The following GRIK1 variants were observed in gnomAD, a reference collection of about 807,000 sequenced individuals.
GRIK1 encodes the protein glutamate receptor ionotropic, kainate 1.
Under a neutral mutation model 105.7 loss-of-function variants are expected in GRIK1, and 69 were observed. That is an observed-to-expected ratio of 0.65 (90% CI 0.54 to 0.80). The LOEUF is 0.80. Among genes scored for constraint, GRIK1 ranks in the 30% least tolerant of loss-of-function variants. The probability of loss-of-function intolerance (pLI) is 0.00; values close to 1 mark genes in which losing one functional copy is unlikely to be tolerated. For synonymous variants in GRIK1, 438 were observed against 431.3 expected (o/e 1.02, Z -0.19); for missense variants, 1,109 against 1,167.3 (o/e 0.95, Z 0.73).
intron 1 of GRIK1, among the ~76,000 whole-genome samples, chr21:29,801,324 C>T (rs908454054): frequency 5.3e-5 from 8 of 151,800 alleles, no homozygotes; most frequent in Admixed American, 4.6e-4. Context: ...ATAAATAGTA[C>T]TTACCTCTTT....
intron 12 of GRIK1, among the ~76,000 whole-genome samples, chr21:29,585,551 A>T (rs1168243664): frequency 6.6e-6 from 1 of 152,134 alleles, no homozygotes; most frequent in East Asian, 1.9e-4. Flanking sequence ...GCCTAGACAG[A>T]GCCTCAGACT....
intron 16 of GRIK1, among the ~76,000 whole-genome samples, chr21:29,549,200 ACAAT>A (rs2090090558): frequency 6.6e-6 from 1 of 152,180 alleles, no homozygotes; most frequent in African/African-American, 2.4e-5. Context: ...TAATCCACAG[ACAAT>A]CTGTTATTAT....
At chr21:29,540,019 A>T (rs957303558) in intron 16 of GRIK1, among the ~76,000 whole-genome samples, 13 of 152,208 alleles carry the variant, frequency 8.5e-5, no homozygotes, top group African/African-American at 3.1e-4. Flanking sequence ...GCTTTACTTG[A>T]ACTCTCAAGC....
At chr21:29,583,358 G>A (rs1006139769) in intron 12 of GRIK1, among the ~76,000 whole-genome samples, 4 of 152,162 alleles carry the variant, frequency 2.6e-5, no homozygotes, top group South Asian at 2.1e-4. Context: ...TAAAGATCCC[G>A]TTACTTAAAC....
chr21:29,761,700 T>G (rs1472125038), intron 1 of GRIK1, among the ~76,000 whole-genome samples: 2 of 150,690 alleles, frequency 1.3e-5, no homozygotes, highest in Non-Finnish European at 3.0e-5. Context: ...CTTTCTTCTC[T>G]TCTTTTCTTT....
intron 14 of GRIK1, among the ~76,000 whole-genome samples, chr21:29,565,769 G>A (rs2146195521): frequency 6.6e-6 from 1 of 152,274 alleles, no homozygotes; most frequent in South Asian, 2.1e-4. Flanking sequence ...GCAACTGCAA[G>A]GAGTATGTCA....
rs2061327979 is a variant in GRIK1 at position 29,591,179 on chromosome 21, T to C, written c.1298A>G (p.Asn433Ser). Residue 433 changes from asparagine to serine, a missense_variant, in exon 10 of 18, where the codon AAC becomes AGC. By Grantham distance (46) the Asn-to-Ser change is conservative (BLOSUM62 1). Transcript: ENST00000327783. ...AGTGATATTGCTGGACTTGTCTTTG[T>C]TGCTGTCCGTCATGTTAAGCCCACT... is the stretch of plus-strand genomic sequence containing the variant. The part of the protein sequence containing the change: ...SNSGLNMTDS[N>S]KDKSSNITDS... 2 of 1,611,770 alleles carry C rather than the reference T, an allele frequency of 1.2e-6. No individual in the cohort carries two copies. The highest frequency in any genetic ancestry group is 8.5e-7 in the Non-Finnish European group (1 of 1,177,938).
At chr21:29,764,885 A>T (rs2065618378) in intron 1 of GRIK1, among the ~76,000 whole-genome samples, 1 of 152,206 alleles carries the variant, frequency 6.6e-6, no homozygotes, top group African/African-American at 2.4e-5. Flanking sequence ...GAACTTAGAG[A>T]TATTAAAATA....
intron 1 of GRIK1, among the ~76,000 whole-genome samples, chr21:29,804,368 G>A (rs915770096): frequency 3.3e-5 from 5 of 152,044 alleles, no homozygotes; most frequent in African/African-American, 1.2e-4. Flanking sequence ...GCACCAAAGT[G>A]CTTCCTAAGA....
At chr21:29,665,261 G>T (rs959803776) in intron 4 of GRIK1, among the ~76,000 whole-genome samples, 2 of 152,044 alleles carry the variant, frequency 1.3e-5, no homozygotes, top group African/African-American at 2.4e-5. Context: ...TATCCACAAA[G>T]GTCAATTAAT....
At chr21:29,926,657 T>TTA (rs934845303) in intron 1 of GRIK1, among the ~76,000 whole-genome samples, 14 of 151,540 alleles carry the variant, frequency 9.2e-5, no homozygotes, top group African/African-American at 1.7e-4. Flanking sequence ...ATATAAGAAA[T>TTA]TATATATATA....
chr21:29,587,664 T>A (rs1191579017), intron 11 of GRIK1, 75 bp from the exon 12 acceptor site: 12 of 767,612 alleles, frequency 1.6e-5, no homozygotes, highest in South Asian at 1.0e-4. Flanking sequence ...TGGGTACTCC[T>A]GATTCTTATT....
intron 1 of GRIK1, 24 bp downstream of exon 1, chr21:29,939,359 G>T: frequency 2.2e-6 from 3 of 1,333,494 alleles, no homozygotes; most frequent in South Asian, 1.3e-5. Flanking sequence ...CGTCTCCCGA[G>T]CAGGCAGCCT....
intron 7 of GRIK1, chr21:29,630,697 G>C (rs1382602838): frequency 4.8e-6 from 2 of 416,766 alleles, no homozygotes; most frequent in African/African-American, 4.2e-5. Flanking sequence ...AATTTGTCCA[G>C]ACTTCTCATC....
intron 7 of GRIK1, among the ~76,000 whole-genome samples, chr21:29,637,494 A>G (rs2062421262): frequency 6.6e-6 from 1 of 152,204 alleles, no homozygotes. Flanking sequence ...TCATGTGCTG[A>G]AATTCTAACC....
chr21:29,900,009 A>G (rs762790775), intron 1 of GRIK1, among the ~76,000 whole-genome samples: 6 of 151,742 alleles, frequency 4.0e-5, no homozygotes, highest in Admixed American at 3.9e-4. Flanking sequence ...TACATTTTCT[A>G]TGTAAGGAAA....
chr21:29,645,141 G>A (rs113118430), intron 6 of GRIK1, among the ~76,000 whole-genome samples: 2,498 of 152,278 alleles, frequency 0.016, 36 homozygotes, highest in South Asian at 0.025. Context: ...TTTTACATAT[G>A]TCATCTTTTT....
chr21:29,865,016 TATCACTG>T (rs2068757292), intron 1 of GRIK1, among the ~76,000 whole-genome samples: 4 of 152,316 alleles, frequency 2.6e-5, no homozygotes, highest in African/African-American at 7.2e-5. Context: ...CAGCTCTGAA[TATCACTG>T]ATGCCACTCT....
intron 1 of GRIK1, among the ~76,000 whole-genome samples, chr21:29,848,755 GTATATATATA>G (rs1555898463): frequency 2.2e-5 from 2 of 91,252 alleles, no homozygotes; most frequent in African/African-American, 4.5e-5. Context: ...AGTTGTGTGT[GTATATATATA>G]TATATATATA....
Sources: gnomAD v4.1 joint callset for allele counts (sites outside exome capture counted in the v4.1 genomes callset) on GRCh38, gnomAD v4.1.1 for gene constraint, MANE v1.5 for transcripts, NCBI Gene and HGNC (gene_info 2026-07-23, HGNC 2026-07-21) for gene names.